The following MYO5B variants were observed in gnomAD, a reference collection of about 807,000 sequenced individuals.
The protein encoded by MYO5B is unconventional myosin-Vb.
In MYO5B, 143 loss-of-function variants were observed where a neutral mutation model predicts 229.3. The ratio of observed to expected loss-of-function variants is 0.62; its 90% CI spans 0.54 to 0.72. The LOEUF is 0.72. Ranked by LOEUF, MYO5B falls within the 30% of genes least tolerant of loss-of-function variation. The pLI is 0.00. For synonymous variants in MYO5B, 918 were observed against 885.2 expected (o/e 1.04, Z -0.66); for missense variants, 2,321 against 2,331.0 (o/e 1.00, Z 0.09).
chr18:50,136,757 G>A (rs2032342881), intron 1 of MYO5B, among the ~76,000 whole-genome samples: 1 of 152,112 alleles, frequency 6.6e-6, no homozygotes, highest in Non-Finnish European at 1.5e-5. Context: ...TCTCTCAAAT[G>A]TTACTAAGAA....
At chr18:50,087,033 T>C (rs2031345154) in intron 1 of MYO5B, among the ~76,000 whole-genome samples, 1 of 152,188 alleles carries the variant, frequency 6.6e-6, no homozygotes, top group Non-Finnish European at 1.5e-5. Flanking sequence ...CACCTGAAAC[T>C]GCTAAGTGAG....
intron 1 of MYO5B, among the ~76,000 whole-genome samples, chr18:50,163,255 A>G (rs905139067): frequency 6.6e-6 from 1 of 152,192 alleles, no homozygotes; most frequent in African/African-American, 2.4e-5. Flanking sequence ...GGAAAAAGTC[A>G]TGCACACGAA....
chr18:49,985,101 TCA>T (rs2025857249), intron 7 of MYO5B, among the ~76,000 whole-genome samples: 1 of 152,174 alleles, frequency 6.6e-6, no homozygotes, highest in Non-Finnish European at 1.5e-5. Flanking sequence ...GGCATATACG[TCA>T]CAGACAATTC....
At chr18:50,121,242 T>C (rs1343396591) in intron 1 of MYO5B, among the ~76,000 whole-genome samples, 2 of 152,240 alleles carry the variant, frequency 1.3e-5, no homozygotes, top group African/African-American at 4.8e-5. Context: ...ATTCCAAAGC[T>C]TGCGTTATCT....
At chr18:50,069,972 C>T (rs1297325022) in intron 1 of MYO5B, among the ~76,000 whole-genome samples, 2 of 151,688 alleles carry the variant, frequency 1.3e-5, no homozygotes, top group African/African-American at 2.4e-5. Context: ...CACTCTGCTG[C>T]CTTAGTTCTG....
At chr18:50,163,261 A>G (rs1244929621) in intron 1 of MYO5B, among the ~76,000 whole-genome samples, 4 of 152,180 alleles carry the variant, frequency 2.6e-5, no homozygotes, top group Non-Finnish European at 5.9e-5. Flanking sequence ...AGTCATGCAC[A>G]CGAATTAATC....
At chr18:50,122,634 GGAGAGAGAGAGAGAGA>G (rs778675940) in intron 1 of MYO5B, among the ~76,000 whole-genome samples, 6 of 9,260 alleles carry the variant, frequency 6.5e-4, no homozygotes, top group Admixed American at 1.8e-3. Flanking sequence ...GAAGGGGGGG[GGAGAGAGAGAGAGAGA>G]GAGAGAGAGA....
chr18:49,917,106 G>A (rs1034959109), intron 17 of MYO5B, among the ~76,000 whole-genome samples: 2 of 152,102 alleles, frequency 1.3e-5, no homozygotes, highest in Non-Finnish European at 2.9e-5. Flanking sequence ...AGCTATTTCC[G>A]AGTCCACTGT....
At chr18:50,065,060 G>C (rs2030785179) in intron 1 of MYO5B, among the ~76,000 whole-genome samples, 1 of 152,168 alleles carries the variant, frequency 6.6e-6, no homozygotes, top group Non-Finnish European at 1.5e-5. Flanking sequence ...ACTTGCATCT[G>C]GGACTCAAGC....
At chr18:50,091,169 G>A (rs887056073) in intron 1 of MYO5B, among the ~76,000 whole-genome samples, 5 of 152,170 alleles carry the variant, frequency 3.3e-5, no homozygotes, top group African/African-American at 1.2e-4. Context: ...CCAGGTCAAA[G>A]GAGACTAAAA....
intron 4 of MYO5B, among the ~76,000 whole-genome samples, chr18:50,006,747 G>C (rs2026106011): frequency 6.6e-6 from 1 of 152,150 alleles, no homozygotes; most frequent in African/African-American, 2.4e-5. Context: ...CACCGGGAGA[G>C]AGAGTGATGC....
chr18:49,871,454 C>T (rs2024454923), intron 27 of MYO5B: 1 of 154,124 alleles, frequency 6.5e-6, no homozygotes, highest in Admixed American at 6.4e-5. Context: ...TTTTACCACA[C>T]TTTAAAAAAT....
At chr18:50,185,474 C>G (rs1370699768) in intron 1 of MYO5B, among the ~76,000 whole-genome samples, 1 of 152,120 alleles carries the variant, frequency 6.6e-6, no homozygotes, top group African/African-American at 2.4e-5. Context: ...AACAATCTTT[C>G]ACAGTATCAA....
chr18:50,188,935 G>T (rs2033191131), intron 1 of MYO5B, among the ~76,000 whole-genome samples: 3 of 152,012 alleles, frequency 2.0e-5, no homozygotes, highest in African/African-American at 7.2e-5. Flanking sequence ...AAATTCTGAT[G>T]ATCGCCAACA....
chr18:50,067,188 G>C (rs1233445547), intron 1 of MYO5B, among the ~76,000 whole-genome samples: 1 of 152,180 alleles, frequency 6.6e-6, no homozygotes, highest in Non-Finnish European at 1.5e-5. Context: ...AGTAAAATGA[G>C]AGATGGGCCC....
intron 1 of MYO5B, among the ~76,000 whole-genome samples, chr18:50,164,687 C>A (rs1335151185): frequency 6.6e-6 from 1 of 152,048 alleles, no homozygotes. Flanking sequence ...CCTATCAATC[C>A]ATCATGTAGG....
At chr18:50,003,411 T>C (rs1269255757) in intron 4 of MYO5B, among the ~76,000 whole-genome samples, 1 of 152,236 alleles carries the variant, frequency 6.6e-6, no homozygotes. Context: ...TCTGCTTCTC[T>C]CTCCTTGCTG....
chr18:50,102,382 T>G (rs1407458907), intron 1 of MYO5B, among the ~76,000 whole-genome samples: 1 of 151,892 alleles, frequency 6.6e-6, no homozygotes, highest in East Asian at 1.9e-4. Context: ...CTCCAAATCT[T>G]AACTCTTAGA....
chr18:50,001,138 G>A, intron 5 of MYO5B, 117 bp downstream of exon 5: 1 of 1,326,574 alleles, frequency 7.5e-7, no homozygotes, highest in South Asian at 1.2e-5. Flanking sequence ...CTCCACAGTG[G>A]ACAGAGGGCT....
Sources: gnomAD v4.1 joint callset for allele counts (sites outside exome capture counted in the v4.1 genomes callset) on GRCh38, gnomAD v4.1.1 for gene constraint, MANE v1.5 for transcripts, NCBI Gene and HGNC (gene_info 2026-07-23, HGNC 2026-07-21) for gene names.